RABGAP1L: variants seen among roughly 807,000 people sequenced by gnomAD.
RABGAP1L encodes the protein RAB GTPase activating protein 1 like.
RABGAP1L carries 63 observed loss-of-function variants against 137.7 expected under a neutral mutation model. That is an observed-to-expected ratio of 0.46 (90% CI 0.37 to 0.56). RABGAP1L has a LOEUF of 0.56. RABGAP1L is among the 20% of genes least tolerant of loss of function. The pLI is 0.00. For synonymous variants in RABGAP1L, 431 were observed against 433.7 expected (o/e 0.99, Z 0.08); for missense variants, 1,095 against 1,244.0 (o/e 0.88, Z 1.80).
At chr1:174,282,122 C>T (rs948408452) in intron 10 of RABGAP1L, among the ~76,000 whole-genome samples, 1 of 152,160 alleles carries the variant, frequency 6.6e-6, no homozygotes, top group African/African-American at 2.4e-5. Context: ...ATTAAAGCTG[C>T]TGTATCTTTC....
chr1:174,682,459 T>TA (rs71743862), intron 14 of RABGAP1L, among the ~76,000 whole-genome samples: 81 of 140,504 alleles, frequency 5.8e-4, no homozygotes, highest in East Asian at 2.3e-3. Flanking sequence ...AAAAGTTGTT[T>TA]AAAAAAAAAA....
intron 18 of RABGAP1L, among the ~76,000 whole-genome samples, chr1:174,802,525 T>C (rs1383740397): frequency 1.3e-5 from 2 of 152,192 alleles, no homozygotes; most frequent in Non-Finnish European, 2.9e-5. Flanking sequence ...GAGAATTGCT[T>C]GAATCCGGGA....
At chr1:174,793,783 C>T (rs903601679) in intron 18 of RABGAP1L, among the ~76,000 whole-genome samples, 4 of 151,978 alleles carry the variant, frequency 2.6e-5, no homozygotes, top group African/African-American at 9.7e-5. Context: ...GCAACCTCTG[C>T]CTCCCAGGTT....
At chr1:174,258,056 T>A (rs1025007798) in intron 7 of RABGAP1L, among the ~76,000 whole-genome samples, 1 of 152,238 alleles carries the variant, frequency 6.6e-6, no homozygotes, top group Non-Finnish European at 1.5e-5. Context: ...TGACTAAGAT[T>A]TCTTCAGGTG....
At chr1:174,244,432 T>C (rs80177799) in intron 5 of RABGAP1L, 11,051 of 152,232 alleles carry the variant, frequency 0.073, 601 homozygotes, top group East Asian at 0.32. Context: ...GCATCAACAA[T>C]GGTAGAAGGG....
chr1:174,251,570 A>T (rs1212934776), intron 6 of RABGAP1L, among the ~76,000 whole-genome samples: 5 of 152,178 alleles, frequency 3.3e-5, no homozygotes, highest in Non-Finnish European at 5.9e-5. Flanking sequence ...TTTTCTTTTT[A>T]GATAAGACAA....
At chr1:174,795,886 G>C (rs538071099) in intron 18 of RABGAP1L, among the ~76,000 whole-genome samples, 1 of 152,262 alleles carries the variant, frequency 6.6e-6, no homozygotes, top group East Asian at 1.9e-4. Context: ...TCAGCCCCAA[G>C]TACTAACCAC....
intron 17 of RABGAP1L, among the ~76,000 whole-genome samples, chr1:174,747,825 A>G (rs1684004732): frequency 6.6e-6 from 1 of 152,088 alleles, no homozygotes; most frequent in South Asian, 2.1e-4. Context: ...TAACTATTGA[A>G]GATTATTGGC....
Position 174,637,450 on chromosome 1 carries a change from G to C in RABGAP1L, c.1786G>C (p.Gly596Arg). The C allele has an allele frequency of 6.2e-7, 1 of 1,611,698 alleles. No homozygotes were observed. Among genetic ancestry groups the C allele is most frequent in the Non-Finnish European group, 8.5e-7 (1 of 1,177,860 alleles). Residue 596 changes from glycine to arginine, a missense_variant, in exon 14 of 26, where the codon GGA becomes CGA. Physicochemically the swap from Gly to Arg is moderately radical, Grantham distance 125 (BLOSUM62 -2). Coordinates refer to ENST00000681986, the MANE Select transcript of RABGAP1L (RefSeq NM_001366446.1). ...FPAHDYFKDT[G>R]GDGQESLYKI... is the part of the protein sequence containing the mutation. ...CGCACATGATTACTTTAAAGATACT[G>C]GAGGAGATGGTCAAGAATCGCTCTA...
intron 13 of RABGAP1L, among the ~76,000 whole-genome samples, chr1:174,442,388 C>T (rs762817725): frequency 2.0e-4 from 30 of 151,920 alleles, no homozygotes; most frequent in African/African-American, 4.8e-4. Context: ...ACTTGAAAAT[C>T]GTTATTCTAA....
intron 13 of RABGAP1L, among the ~76,000 whole-genome samples, chr1:174,555,880 CAT>C (rs1666847620): frequency 6.6e-6 from 1 of 151,348 alleles, no homozygotes; most frequent in Non-Finnish European, 1.5e-5. Context: ...GTGCAAAGTT[CAT>C]CACAGTAGAT....
At chr1:174,552,215 C>T (rs11806566) in intron 13 of RABGAP1L, among the ~76,000 whole-genome samples, 2,229 of 152,150 alleles carry the variant, frequency 0.015, 46 homozygotes, top group African/African-American at 0.05. Flanking sequence ...AAGTTTGTTA[C>T]GTAGGTAAAC....
In RABGAP1L at chr1:174,614,455, A is replaced by T. The variant is rs537493907; in HGVS notation, c.1711-22920A>T. ...TTTCTGCCGAGAGATCTGCTGTTAG[A>T]CTGATGGGCTTCCCTTTGTGGGTAA... On this transcript the variant is annotated intron_variant, in intron 13 of 25. Transcript: ENST00000681986. Among the ~76,000 whole-genome samples the T allele has an allele frequency of 3.7e-3, 569 of 152,126 alleles. 5 individuals are homozygous for T. The highest frequency in any genetic ancestry group is 0.012 in the African/African-American group (513 of 41,528).
intron 1 of RABGAP1L, among the ~76,000 whole-genome samples, chr1:174,204,847 G>C (rs1356504842): frequency 5.3e-5 from 8 of 152,060 alleles, no homozygotes; most frequent in African/African-American, 1.9e-4. Flanking sequence ...TCTCTTTCCT[G>C]CTCCTCCATG....
chr1:174,614,832 C>A (rs1020219165), intron 13 of RABGAP1L, among the ~76,000 whole-genome samples: 1 of 152,116 alleles, frequency 6.6e-6, no homozygotes. Flanking sequence ...TTCATTTGAT[C>A]TTCCATCACT....
chr1:174,988,706 A>C lies in RABGAP1L; in HGVS notation c.2871A>C (p.Ala957=). 6.5e-7 allele frequency: 1 copy of C among 1,548,822 alleles called. No homozygotes were observed. The highest frequency in any genetic ancestry group is 8.7e-7 in the Non-Finnish European group (1 of 1,146,150). Residue 957 remains alanine, a synonymous_variant, in exon 25 of 26, where the codon GCA becomes GCC. Transcript: ENST00000681986. ...GCAAGGAGGGTGCTTTGAAACTAGCAGCCACAGGCAGAGAGGACCAGGGAA... is the reference window on the plus strand; with the variant it reads ...GCAAGGAGGGTGCTTTGAAACTAGCCGCCACAGGCAGAGAGGACCAGGGAA... ...IFSKEGALKL[A]ATGREDQGIE...
chr1:174,174,207 C>T (rs1329377563), intron 1 of RABGAP1L, among the ~76,000 whole-genome samples: 3 of 76,330 alleles, frequency 3.9e-5, no homozygotes, highest in Admixed American at 3.8e-4. Context: ...CACACACACA[C>T]ACACACACAC....
chr1:174,649,675 A>G (rs1415461686), intron 14 of RABGAP1L, among the ~76,000 whole-genome samples: 1 of 152,054 alleles, frequency 6.6e-6, no homozygotes, highest in African/African-American at 2.4e-5. Flanking sequence ...TGATTTTTGC[A>G]CATTGATTTT....
intron 11 of RABGAP1L, among the ~76,000 whole-genome samples, chr1:174,317,657 G>A (rs944416396): frequency 6.6e-6 from 1 of 152,172 alleles, no homozygotes; most frequent in East Asian, 1.9e-4. Context: ...TGATGTCTCA[G>A]TATGTCATGT....
Sources: allele counts gnomAD v4.1 joint callset (sites outside exome capture counted in the v4.1 genomes callset), GRCh38; gene constraint gnomAD v4.1.1; transcripts MANE v1.5; gene names NCBI Gene and HGNC (gene_info 2026-07-23, HGNC 2026-07-21).